The following PLCH1 variants were observed in gnomAD, a reference collection of about 807,000 sequenced individuals.
PLCH1 encodes phospholipase C eta 1, also known as 1-phosphatidylinositol 4,5-bisphosphate phosphodiesterase eta-1.
In PLCH1, 60 loss-of-function variants were observed where a neutral mutation model predicts 126.7. The ratio of observed to expected loss-of-function variants is 0.47; its 90% CI spans 0.38 to 0.59. The LOEUF is 0.59. PLCH1 is among the 20% of genes least tolerant of loss of function. The pLI, the probability that PLCH1 is intolerant of heterozygous loss-of-function variation, is 0.00. For synonymous variants in PLCH1, 719 were observed against 734.9 expected, an observed-to-expected ratio of 0.98 and a Z score of 0.35; for missense variants, 1,723 against 2,040.0, an observed-to-expected ratio of 0.84 and a Z score of 2.99.
At chr3:155,494,602 A>C (rs1716745606) in intron 15 of PLCH1, 85 bp from the exon 16 acceptor site, 2 of 1,078,912 alleles carry the variant, frequency 1.9e-6, no homozygotes, top group Admixed American at 3.9e-5. Context: ...ATAATGTCAG[A>C]TTATACCAAT....
intron 21 of PLCH1, among the ~76,000 whole-genome samples, chr3:155,467,652 C>T (rs2107978787): frequency 6.6e-6 from 1 of 151,956 alleles, no homozygotes; most frequent in East Asian, 1.9e-4. Context: ...TGGCTGCAGA[C>T]TTTTCAGTGG....
intron 2 of PLCH1, among the ~76,000 whole-genome samples, chr3:155,687,511 T>C (rs143519374): frequency 5.9e-5 from 9 of 152,294 alleles, no homozygotes; most frequent in Non-Finnish European, 1.2e-4. Flanking sequence ...ATCAGAAACA[T>C]GGTGCCTACA....
intron 1 of PLCH1, among the ~76,000 whole-genome samples, chr3:155,707,629 C>A (rs1401390696): frequency 2.0e-5 from 3 of 151,030 alleles, no homozygotes; most frequent in African/African-American, 4.9e-5. Flanking sequence ...TGCCACTGCA[C>A]TCCAGCCTGG....
At chr3:155,582,075 C>CTTTTTTTTTTTTTTTTTTTTTTTTTT (rs869254665) in intron 6 of PLCH1, among the ~76,000 whole-genome samples, 20 of 64,112 alleles carry the variant, frequency 3.1e-4, no homozygotes, top group East Asian at 9.4e-4. Flanking sequence ...TCTTTTCTTT[C>CTTTTTTTTTTTTTTTTTTTTTTTTTT]TTTTTTTTTT....
chr3:155,676,708 T>A (rs1316238733), intron 2 of PLCH1, among the ~76,000 whole-genome samples: 1 of 152,206 alleles, frequency 6.6e-6, no homozygotes, highest in African/African-American at 2.4e-5. Context: ...GGGTTTTCCT[T>A]GTTTTTTTGT....
At chr3:155,523,309 A>G (rs1313944043) in intron 11 of PLCH1, among the ~76,000 whole-genome samples, 1 of 151,804 alleles carries the variant, frequency 6.6e-6, no homozygotes, top group Admixed American at 6.6e-5. Context: ...AGGCTCCTTC[A>G]TCTAGAAAAG....
At chr3:155,688,463 A>G (rs1745120784) in intron 2 of PLCH1, among the ~76,000 whole-genome samples, 1 of 152,212 alleles carries the variant, frequency 6.6e-6, no homozygotes, top group African/African-American at 2.4e-5. Flanking sequence ...ACAGAAGCCT[A>G]CACCATTCAT....
intron 10 of PLCH1, among the ~76,000 whole-genome samples, chr3:155,543,513 A>G (rs1418974599): frequency 1.3e-5 from 2 of 152,226 alleles, no homozygotes; most frequent in Non-Finnish European, 2.9e-5. Context: ...GCAGGCCAAC[A>G]TTCAGATTCA....
chr3:155,587,670 G>A (rs971117592), intron 4 of PLCH1, among the ~76,000 whole-genome samples: 1 of 152,218 alleles, frequency 6.6e-6, no homozygotes, highest in Non-Finnish European at 1.5e-5. Context: ...ATTAGAAGCT[G>A]AGTTTAGATA....
At chr3:155,659,129 C>G (rs1741787194) in intron 2 of PLCH1, among the ~76,000 whole-genome samples, 1 of 151,962 alleles carries the variant, frequency 6.6e-6, no homozygotes, top group Admixed American at 6.6e-5. Context: ...ATCTCAGCTT[C>G]TTTAAAACAC....
chr3:155,521,454 A>G (rs1377801137), intron 11 of PLCH1, among the ~76,000 whole-genome samples: 1 of 152,240 alleles, frequency 6.6e-6, no homozygotes, highest in Non-Finnish European at 1.5e-5. Flanking sequence ...TTGGTGTTCC[A>G]GTGTAAATGA....
intron 1 of PLCH1, among the ~76,000 whole-genome samples, chr3:155,733,296 C>T (rs1748906837): frequency 1.3e-5 from 2 of 152,164 alleles, no homozygotes; most frequent in African/African-American, 4.8e-5. Flanking sequence ...CTAGAAGCAT[C>T]ATGCTACCTG....
chr3:155,583,975 T>C (rs1379230497), intron 5 of PLCH1, among the ~76,000 whole-genome samples: 1 of 148,580 alleles, frequency 6.7e-6, no homozygotes, highest in East Asian at 2.0e-4. Flanking sequence ...CATATGGAAG[T>C]GAAAAATACA....
chr3:155,696,824 C>G (rs1296942312), intron 2 of PLCH1, among the ~76,000 whole-genome samples: 1 of 152,190 alleles, frequency 6.6e-6, no homozygotes, highest in Non-Finnish European at 1.5e-5. Flanking sequence ...TGGCTGGACT[C>G]TCAATGGCCA....
At chr3:155,537,223 A>AAAAAAAAC (rs1723543187) in intron 10 of PLCH1, among the ~76,000 whole-genome samples, 1 of 10,782 alleles carries the variant, frequency 9.3e-5, no homozygotes, top group African/African-American at 1.5e-4. Flanking sequence ...AAAAAAAAAA[A>AAAAAAAAC]AAAAAAAAAA....
chr3:155,733,413 C>T (rs1197875801), intron 1 of PLCH1, among the ~76,000 whole-genome samples: 1 of 152,088 alleles, frequency 6.6e-6, no homozygotes, highest in Non-Finnish European at 1.5e-5. Flanking sequence ...AGAAATAAAC[C>T]TACACCCTTG....
intron 6 of PLCH1, among the ~76,000 whole-genome samples, chr3:155,580,029 A>G (rs1730456767): frequency 6.6e-6 from 1 of 152,202 alleles, no homozygotes; most frequent in Admixed American, 6.5e-5. Flanking sequence ...AAAAAATACA[A>G]TTCAAAAACA....
chr3:155,525,918 C>T (rs1456141311), intron 10 of PLCH1, among the ~76,000 whole-genome samples: 2 of 152,260 alleles, frequency 1.3e-5, no homozygotes, highest in South Asian at 2.1e-4. Flanking sequence ...TTTACATTCT[C>T]CTTTCCTGCA....
intron 14 of PLCH1, among the ~76,000 whole-genome samples, chr3:155,498,578 C>G (rs997842194): frequency 6.6e-6 from 1 of 152,012 alleles, no homozygotes; most frequent in African/African-American, 2.4e-5. Context: ...GAGACCAGGG[C>G]TAAAATGGAA....
Sources: allele counts gnomAD v4.1 joint callset (sites outside exome capture counted in the v4.1 genomes callset), GRCh38; gene constraint gnomAD v4.1.1; transcripts MANE v1.5; gene names NCBI Gene and HGNC (gene_info 2026-07-23, HGNC 2026-07-21).